SPATA6: variants seen among roughly 807,000 people sequenced by gnomAD.
SPATA6 encodes spermatogenesis-associated protein 6.
A neutral mutation model predicts 65.3 loss-of-function variants in SPATA6; 56 were observed. The observed-to-expected ratio is 0.86, with a 90% CI of 0.69 to 1.07. The LOEUF is 1.07. Among genes scored for constraint, SPATA6 ranks in the 50% least tolerant of loss-of-function variants. The probability of loss-of-function intolerance (pLI) is 0.00; values close to 1 mark genes in which losing one functional copy is unlikely to be tolerated. For missense variants in SPATA6, 590 were observed against 594.8 expected, an observed-to-expected ratio of 0.99 and a Z score of 0.08; for synonymous variants, 199 against 213.2, an observed-to-expected ratio of 0.93 and a Z score of 0.58.
At chr1:48,320,851 A>C (rs1443441026) in intron 11 of SPATA6, among the ~76,000 whole-genome samples, 1 of 152,208 alleles carries the variant, frequency 6.6e-6, no homozygotes, top group Non-Finnish European at 1.5e-5. Context: ...AGGAAAAACA[A>C]AAAGTTAAAA....
At chr1:48,354,408 C>T (rs1646599314) in intron 11 of SPATA6, among the ~76,000 whole-genome samples, 1 of 152,094 alleles carries the variant, frequency 6.6e-6, no homozygotes. Flanking sequence ...AAAATGTATG[C>T]AATGTCACCC....
At chr1:48,265,367 G>C in the SPATA6 span, among the ~76,000 whole-genome samples, 2 of 150,018 alleles carry the variant, frequency 1.3e-5, no homozygotes, top group Non-Finnish European at 3.0e-5. Flanking sequence ...ATAAATGAAC[G>C]ATTTTGATAA....
chr1:48,280,855 C>T, the SPATA6 span, among the ~76,000 whole-genome samples: 1 of 152,152 alleles, frequency 6.6e-6, no homozygotes, highest in Non-Finnish European at 1.5e-5. Context: ...CATCCTGATA[C>T]CAAAGCCGAG....
At chr1:48,334,638 A>T (rs1646009414) in intron 11 of SPATA6, among the ~76,000 whole-genome samples, 1 of 152,180 alleles carries the variant, frequency 6.6e-6, no homozygotes, top group Non-Finnish European at 1.5e-5. Context: ...ATAGTTCAAA[A>T]CAGTAAGAGC....
At chr1:48,314,910 A>C (rs548177719) in intron 11 of SPATA6, among the ~76,000 whole-genome samples, 6 of 152,330 alleles carry the variant, frequency 3.9e-5, no homozygotes, top group African/African-American at 1.4e-4. Flanking sequence ...GAATACTATA[A>C]ACACCTCTAT....
At chr1:48,457,427 AT>A (rs1657091732) in intron 1 of SPATA6, among the ~76,000 whole-genome samples, 1 of 152,038 alleles carries the variant, frequency 6.6e-6, no homozygotes. Flanking sequence ...GCAAGACTCC[AT>A]CTCAAAAAAG....
At chr1:48,381,687 C>CTTTTCTTTT (rs1648628055) in intron 9 of SPATA6, among the ~76,000 whole-genome samples, 1 of 121,712 alleles carries the variant, frequency 8.2e-6, no homozygotes, top group African/African-American at 3.3e-5. Context: ...AATTTTTTTT[C>CTTTTCTTTT]TTTTTTTTTT....
In SPATA6 at chr1:48,305,780, T is replaced by C. The variant is rs760861957; in HGVS notation, c.1286+7A>G. On this transcript the variant is annotated splice_region_variant and intron_variant, in intron 12 of 12. Coordinates refer to ENST00000371847, the MANE Select transcript of SPATA6 (RefSeq NM_019073.4). ...ATGAGAAGGATATACATATATTTCA[T>C]TCATACCTATACTCGGGGTCACTGT... The C allele has an allele frequency of 2.5e-6, 4 of 1,598,980 alleles. No homozygotes were observed. Among genetic ancestry groups the C allele is most frequent in the Non-Finnish European group, 3.4e-6 (4 of 1,169,752 alleles).
intron 11 of SPATA6, among the ~76,000 whole-genome samples, chr1:48,343,245 T>C (rs1040122588): frequency 1.1e-4 from 16 of 152,190 alleles, no homozygotes; most frequent in Middle Eastern, 3.4e-3. Context: ...GAGTTTCCCA[T>C]TGGCCAAAGT....
At chr1:48,403,732 G>T in intron 6 of SPATA6, 70 bp downstream of exon 6, 3 of 1,264,642 alleles carry the variant, frequency 2.4e-6, no homozygotes, top group Non-Finnish European at 3.3e-6. Flanking sequence ...AATAAATAAC[G>T]CTTGCCAAAA....
intron 8 of SPATA6, among the ~76,000 whole-genome samples, chr1:48,387,868 A>G (rs1649644274): frequency 6.6e-6 from 1 of 152,192 alleles, no homozygotes; most frequent in Admixed American, 6.5e-5. Context: ...GCCACTGTCA[A>G]AAACAATGCA....
chr1:48,386,000 A>C (rs992428106), intron 8 of SPATA6, among the ~76,000 whole-genome samples: 11 of 152,206 alleles, frequency 7.2e-5, no homozygotes, highest in Admixed American at 3.9e-4. Context: ...ACCATCATCA[A>C]CAACAACATC....
rs1645205330 is a variant in SPATA6, at chr1:48,311,459, A to G, written c.1195-5581T>C. Among the ~76,000 whole-genome samples the G allele has an allele frequency of 2.0e-5, 3 of 152,220 alleles. No individual in the cohort carries two copies. The South Asian group carries it at 6.2e-4, about 32-fold the overall frequency. On this transcript the variant is annotated intron_variant, in intron 11 of 12. Transcript: ENST00000371847. ...TTGTCTAGAATGGTATCTATAAATA[A>G]AAGAACAAATTACTAGAAAGATAAA...
At chr1:48,386,719 G>A (rs1375038940) in intron 8 of SPATA6, among the ~76,000 whole-genome samples, 3 of 152,182 alleles carry the variant, frequency 2.0e-5, no homozygotes, top group African/African-American at 4.8e-5. Flanking sequence ...CTGAACCCTC[G>A]TGAGCCCTGA....
At chr1:48,406,034 T>C (rs1215779626) in intron 5 of SPATA6, among the ~76,000 whole-genome samples, 1 of 151,838 alleles carries the variant, frequency 6.6e-6, no homozygotes, top group East Asian at 1.9e-4. Context: ...TAAAATGCAG[T>C]TTCTCACAAT....
intron 3 of SPATA6, among the ~76,000 whole-genome samples, chr1:48,449,750 T>C (rs1656391156): frequency 6.6e-6 from 1 of 152,230 alleles, no homozygotes; most frequent in Non-Finnish European, 1.5e-5. Context: ...TTTGATCTTA[T>C]TAAGAAATTA....
At chr1:48,441,052 T>C (rs958555618) in intron 3 of SPATA6, among the ~76,000 whole-genome samples, 8 of 152,166 alleles carry the variant, frequency 5.3e-5, no homozygotes, top group South Asian at 2.1e-4. Context: ...GTAAAAAAGA[T>C]TGTCCAACAA....
chr1:48,425,531 A>G (rs1381229328), intron 3 of SPATA6, among the ~76,000 whole-genome samples: 1 of 152,190 alleles, frequency 6.6e-6, no homozygotes, highest in Admixed American at 6.5e-5. Flanking sequence ...AGAAGAATAA[A>G]CTTGGAGGCT....
intron 11 of SPATA6, among the ~76,000 whole-genome samples, chr1:48,349,790 T>C (rs1646467677): frequency 6.6e-6 from 1 of 151,934 alleles, no homozygotes. Flanking sequence ...GTTGTGTGAA[T>C]TAATAGATCA....
Sources: gnomAD v4.1 joint callset for allele counts (sites outside exome capture counted in the v4.1 genomes callset) on GRCh38, gnomAD v4.1.1 for gene constraint, MANE v1.5 for transcripts, NCBI Gene and HGNC (gene_info 2026-07-23, HGNC 2026-07-21) for gene names.